Variants in KMT2C observed in about 807,000 individuals in gnomAD.
The protein encoded by KMT2C is histone-lysine N-methyltransferase 2C.
KMT2C carries 88 observed loss-of-function variants against 507.9 expected under a neutral mutation model. The ratio of observed to expected loss-of-function variants is 0.17; its 90% CI spans 0.15 to 0.21. The LOEUF is 0.21. Ranked by LOEUF, KMT2C falls within the 10% of genes least tolerant of loss-of-function variation. The pLI, the probability that KMT2C is intolerant of heterozygous loss-of-function variation, is 1.00. For missense variants in KMT2C, 4,954 were observed against 5,957.8 expected, an observed-to-expected ratio of 0.83 and a Z score of 5.55; for synonymous variants, 2,049 against 2,080.8, an observed-to-expected ratio of 0.98 and a Z score of 0.42.
chr7:152,193,670 G>A (rs1428653221), intron 31 of KMT2C, among the ~76,000 whole-genome samples: 1 of 152,150 alleles, frequency 6.6e-6, no homozygotes, highest in Non-Finnish European at 1.5e-5. Flanking sequence ...GCAGCCAGGT[G>A]AGCGGGGACA....
In KMT2C at chr7:152,386,084, C is replaced by CA. The variant is rs1033044018; in HGVS notation, c.162-27410dup. Among the ~76,000 whole-genome samples the CA allele has an allele frequency of 9.9e-3, 1,213 of 122,802 alleles. 12 individuals are homozygous for CA. Among genetic ancestry groups the CA allele is most frequent in the African/African-American group, 0.033 (1,089 of 33,356 alleles). 80.6% of individuals were successfully genotyped at this position (122,802 alleles called of 152,430 possible). On this transcript the variant is annotated intron_variant, in intron 1 of 58. Transcript: ENST00000262189. ...CCCGAGTGACAGAATGAGACTCCGT[C>CA]AAAAAAAAAAAATTAATAAAAATAA... is the stretch of plus-strand genomic sequence containing the variant.
intron 1 of KMT2C, among the ~76,000 whole-genome samples, chr7:152,374,831 C>G (rs970075486): frequency 2.0e-5 from 3 of 148,618 alleles, no homozygotes; most frequent in African/African-American, 5.0e-5. Flanking sequence ...TGCAGTGAGC[C>G]GAGATCGCAG....
At chr7:152,425,526 G>A (rs544844343) in intron 1 of KMT2C, among the ~76,000 whole-genome samples, 23 of 152,288 alleles carry the variant, frequency 1.5e-4, no homozygotes, top group East Asian at 3.9e-4. Context: ...GCAGTAAGCC[G>A]AGATCGTGCC....
chr7:152,251,766 T>C (rs954913398), intron 11 of KMT2C, among the ~76,000 whole-genome samples, 173 bp downstream of exon 11: 1 of 152,106 alleles, frequency 6.6e-6, no homozygotes, highest in Non-Finnish European at 1.5e-5. Context: ...ATTTTAGCCA[T>C]CAGATTCAGA....
intron 2 of KMT2C, among the ~76,000 whole-genome samples, chr7:152,357,691 T>C (rs2097163510): frequency 1.3e-5 from 2 of 152,238 alleles, no homozygotes; most frequent in South Asian, 4.1e-4. Flanking sequence ...AGGGTGAAAT[T>C]TAGTATTCTG....
intron 6 of KMT2C, among the ~76,000 whole-genome samples, chr7:152,274,748 T>G (rs2096050483): frequency 6.6e-6 from 1 of 152,216 alleles, no homozygotes; most frequent in African/African-American, 2.4e-5. Context: ...CATAAATTTT[T>G]GTTTACACCA....
chr7:152,343,304 T>C (rs1010857438), intron 2 of KMT2C, among the ~76,000 whole-genome samples: 2 of 152,076 alleles, frequency 1.3e-5, no homozygotes, highest in African/African-American at 4.8e-5. Context: ...ATTAAAATGA[T>C]AGAGATTTTT....
intron 46 of KMT2C, among the ~76,000 whole-genome samples, chr7:152,155,423 G>C (rs1587743478): frequency 6.6e-6 from 1 of 152,142 alleles, no homozygotes. Context: ...TCCCCAATTA[G>C]AATCTTACAG....
At chr7:152,301,375 G>C (rs543291264) in intron 6 of KMT2C, among the ~76,000 whole-genome samples, 179 of 151,852 alleles carry the variant, frequency 1.2e-3, no homozygotes, top group Non-Finnish European at 1.8e-3. Context: ...TGGGCATGGT[G>C]GTGGGCACCT....
chr7:152,316,821 T>C (rs1267916993), intron 3 of KMT2C, among the ~76,000 whole-genome samples: 1 of 151,008 alleles, frequency 6.6e-6, no homozygotes, highest in Non-Finnish European at 1.5e-5. Context: ...TTAAATGTAG[T>C]GTAATTTCAA....
At chr7:152,329,741 G>A (rs926578358) in intron 3 of KMT2C, among the ~76,000 whole-genome samples, 28 of 151,696 alleles carry the variant, frequency 1.8e-4, no homozygotes, top group Non-Finnish European at 3.2e-4. Flanking sequence ...GGTAAGGAGG[G>A]AGGGAAGGAA....
chr7:152,196,697 A>G (rs2093973142), intron 27 of KMT2C, among the ~76,000 whole-genome samples: 1 of 152,212 alleles, frequency 6.6e-6, no homozygotes, highest in Admixed American at 6.5e-5. Flanking sequence ...ACAAGGAAAA[A>G]GGATTAAAAA....
At chr7:152,349,609 T>C (rs2097093668) in intron 2 of KMT2C, among the ~76,000 whole-genome samples, 1 of 151,962 alleles carries the variant, frequency 6.6e-6, no homozygotes, top group African/African-American at 2.4e-5. Context: ...GTAAAAAGAA[T>C]AGTGGTTGCC....
At chr7:152,278,682 G>C (rs571410147) in intron 6 of KMT2C, among the ~76,000 whole-genome samples, 670 of 151,986 alleles carry the variant, frequency 4.4e-3, no homozygotes, top group African/African-American at 0.016. Context: ...AAAAATGCAG[G>C]TATAGCAATA....
chr7:152,252,843 T>C, intron 9 of KMT2C, 128 bp from the exon 10 acceptor site: 1 of 664,974 alleles, frequency 1.5e-6, no homozygotes, highest in Non-Finnish European at 2.5e-6. Context: ...TTCATGACAC[T>C]AATTTAGGGT....
Position 152,162,147 on chromosome 7 carries a change from T to C in KMT2C, c.11430A>G (p.Leu3810=). 1 of 1,577,640 alleles carries C rather than the reference T, an allele frequency of 6.3e-7. No individual in the cohort carries two copies. The highest frequency in any genetic ancestry group is 2.2e-5 in the East Asian group (1 of 44,600). ...SEDDCTKDNK[L]VEKQNPAEGL... ...CTTCAGCTGGGTTCTGCTTCTCAAC[T>C]AGTTTATTATCCTTTGTACAGTCAT... The change falls in exon 43 of 59, where the codon CTA becomes CTG. Residue 3810 remains leucine (L), a synonymous_variant. Coordinates refer to ENST00000262189, the MANE Select transcript of KMT2C (RefSeq NM_170606.3).
intron 1 of KMT2C, among the ~76,000 whole-genome samples, chr7:152,372,577 AAG>A (rs2097300642): frequency 6.6e-6 from 1 of 152,194 alleles, no homozygotes; most frequent in South Asian, 2.1e-4. Context: ...ATGTTAACCA[AAG>A]AGAGCAGAGG....
At chr7:152,258,590 G>A (rs1563620887) in intron 9 of KMT2C, among the ~76,000 whole-genome samples, 1 of 151,986 alleles carries the variant, frequency 6.6e-6, no homozygotes. Context: ...AGTAGCATGA[G>A]TTCGGCTCAC....
chr7:152,372,233 G>A (rs1291389515), intron 1 of KMT2C, among the ~76,000 whole-genome samples: 5 of 152,024 alleles, frequency 3.3e-5, no homozygotes, highest in African/African-American at 7.2e-5. Context: ...TCAGCTCACC[G>A]CAACCTCCAC....
Sources: gnomAD v4.1 joint callset for allele counts (sites outside exome capture counted in the v4.1 genomes callset) on GRCh38, gnomAD v4.1.1 for gene constraint, MANE v1.5 for transcripts, NCBI Gene and HGNC (gene_info 2026-07-23, HGNC 2026-07-21) for gene names.